The following COLGALT1 variants were observed in gnomAD, a reference collection of about 807,000 sequenced individuals.
COLGALT1 encodes procollagen galactosyltransferase 1.
In COLGALT1, 43 loss-of-function variants were observed where a neutral mutation model predicts 60.8. The observed-to-expected ratio is 0.71, with a 90% CI of 0.55 to 0.91. The LOEUF is 0.91. Ranked by LOEUF, COLGALT1 falls within the 40% of genes least tolerant of loss-of-function variation. The probability of loss-of-function intolerance (pLI) is 0.00; values close to 1 mark genes in which losing one functional copy is unlikely to be tolerated. For synonymous variants in COLGALT1, 369 were observed against 374.2 expected, an observed-to-expected ratio of 0.99 and a Z score of 0.16; for missense variants, 845 against 880.0, an observed-to-expected ratio of 0.96 and a Z score of 0.50.
intron 3 of COLGALT1, among the ~76,000 whole-genome samples, chr19:17,565,462 C>T (rs1032004117): frequency 1.3e-5 from 2 of 152,096 alleles, no homozygotes; most frequent in African/African-American, 4.8e-5. Context: ...CCACTGCACC[C>T]GGCCTGGCTG....
At position 17,577,252 on chromosome 19, in the gene COLGALT1, A is replaced by G; in HGVS notation, c.1007A>G (p.Asp336Gly). 6.2e-7 allele frequency: 1 copy of G among 1,612,936 alleles called. No homozygotes were observed. The highest frequency in any genetic ancestry group is 8.5e-7 in the Non-Finnish European group (1 of 1,179,598). ...ATCTCGGCTCCCACCAAGACACCGGACAAGATGGGCTTCGACGAGGTGAGC... is the reference window on the plus strand; with the variant it reads ...ATCTCGGCTCCCACCAAGACACCGGGCAAGATGGGCTTCGACGAGGTGAGC... Reference protein sequence around the residue: ...RFISAPTKTPDKMGFDEVFMI... With the variant: ...RFISAPTKTPGKMGFDEVFMI... Residue 336 changes from aspartate to glycine, a missense_variant, in exon 7 of 12, where the codon GAC (aspartate) becomes GGC (glycine). Physicochemically the swap from Asp to Gly is moderately conservative, Grantham distance 94 (BLOSUM62 -1). Transcript: ENST00000252599.
At chr19:17,559,696 T>C (rs981659074) in intron 2 of COLGALT1, among the ~76,000 whole-genome samples, 2 of 152,154 alleles carry the variant, frequency 1.3e-5, no homozygotes, top group African/African-American at 4.8e-5. Context: ...GCTCACTGAC[T>C]CAGTCTTGGT....
chr19:17,571,729 T>TA (rs1463011708), intron 5 of COLGALT1: 1 of 151,894 alleles, frequency 6.6e-6, no homozygotes, highest in Non-Finnish European at 1.5e-5. Flanking sequence ...AAAAAAAAGA[T>TA]ACACACTCAT....
intron 6 of COLGALT1, 64 bp from the exon 7 acceptor site, chr19:17,577,131 A>G: frequency 6.6e-7 from 1 of 1,523,656 alleles, no homozygotes; most frequent in Non-Finnish European, 9.1e-7. Flanking sequence ...GGGTGGGGAA[A>G]GCGTGTTGGA....
chr19:17,576,736 G>A (rs1277330051), intron 6 of COLGALT1, among the ~76,000 whole-genome samples: 4 of 150,244 alleles, frequency 2.7e-5, no homozygotes, highest in African/African-American at 9.8e-5. Context: ...TTAGAGGCAA[G>A]GCTGGGGGAG....
intron 1 of COLGALT1, chr19:17,556,598 T>A (rs2144811284): frequency 1.1e-6 from 1 of 941,602 alleles, no homozygotes; most frequent in East Asian, 1.2e-4. Context: ...GACTTCTCAC[T>A]CCCTGCCTCA....
chr19:17,559,268 C>T (rs372693441), intron 1 of COLGALT1, 43 bp from the exon 2 acceptor site: 39 of 1,444,296 alleles, frequency 2.7e-5, no homozygotes, highest in Non-Finnish European at 3.5e-5. Flanking sequence ...CCTGGTCCTG[C>T]CTCAGTCTCC....
intron 3 of COLGALT1, among the ~76,000 whole-genome samples, chr19:17,561,074 AG>A (rs2076246388): frequency 6.6e-6 from 1 of 150,702 alleles, no homozygotes; most frequent in Non-Finnish European, 1.5e-5. Context: ...GCGTGGTGGC[AG>A]GTGCCTGTAA....
intron 6 of COLGALT1, among the ~76,000 whole-genome samples, chr19:17,574,740 C>T (rs994820201): frequency 2.6e-5 from 4 of 152,172 alleles, no homozygotes; most frequent in East Asian, 1.9e-4. Context: ...AGGTCCCACC[C>T]GGCTACAGTT....
intron 3 of COLGALT1, among the ~76,000 whole-genome samples, chr19:17,563,307 C>T (rs773087960): frequency 4.0e-5 from 6 of 148,634 alleles, no homozygotes; most frequent in Non-Finnish European, 7.4e-5. Flanking sequence ...TCTCCTGCTT[C>T]GGCCTCCCAA....
chr19:17,568,249 T>G (rs1230307976), intron 4 of COLGALT1, among the ~76,000 whole-genome samples: 1 of 152,106 alleles, frequency 6.6e-6, no homozygotes. Flanking sequence ...CCATCATCCA[T>G]TCTGATTGGG....
At chr19:17,574,885 G>T (rs548895631) in intron 6 of COLGALT1, among the ~76,000 whole-genome samples, 1 of 151,250 alleles carries the variant, frequency 6.6e-6, no homozygotes, top group Non-Finnish European at 1.5e-5. Context: ...TTGAGACAGA[G>T]TCTCGCTGTT....
intron 10 of COLGALT1, chr19:17,580,264 CCCTT>C (rs2076372074): frequency 2.2e-5 from 5 of 231,952 alleles, no homozygotes; most frequent in Non-Finnish European, 3.4e-5. Flanking sequence ...TTTGTCCTCT[CCCTT>C]CCTCCATCTC....
At chr19:17,564,541 G>A (rs928725597) in intron 3 of COLGALT1, among the ~76,000 whole-genome samples, 6 of 149,512 alleles carry the variant, frequency 4.0e-5, no homozygotes, top group African/African-American at 9.9e-5. Context: ...CTCAGCCTCC[G>A]GAGTACCTGG....
chr19:17,556,962 T>C (rs1177050880), intron 1 of COLGALT1, among the ~76,000 whole-genome samples: 2 of 152,162 alleles, frequency 1.3e-5, no homozygotes, highest in Non-Finnish European at 2.9e-5. Context: ...ATTCTCTTTT[T>C]GGGTTTGTCT....
In COLGALT1 at chr19:17,582,301, C is replaced by CAAA. The variant is rs1191656993; in HGVS notation, c.*858_*860dup. 6.6e-6 allele frequency: 1 copy of CAAA among 152,230 alleles called. No individual in the cohort carries two copies. Among genetic ancestry groups the CAAA allele is most frequent in the Non-Finnish European group, 1.5e-5 (1 of 68,044 alleles). The allele number at this position is 152,230 out of a possible 1,614,324, so 9.4% of individuals were successfully genotyped here. A position where few individuals can be genotyped will look rare whatever the true frequency, so the allele number is the denominator to read the frequency against. ...TACTGTGTGCCTGGCACTCATGTCA[C>CAAA]AAAGATAAGTTCCTGATTCGGTACA... On this transcript the variant is annotated 3_prime_UTR_variant, in exon 12 of 12. Coordinates refer to ENST00000252599, the MANE Select transcript of COLGALT1 (RefSeq NM_024656.4).
intron 1 of COLGALT1, among the ~76,000 whole-genome samples, chr19:17,557,291 T>C (rs1482057955): frequency 6.6e-6 from 1 of 152,152 alleles, no homozygotes; most frequent in Non-Finnish European, 1.5e-5. Context: ...TTATGAGATA[T>C]ACTTTGAGAT....
intron 3 of COLGALT1, among the ~76,000 whole-genome samples, chr19:17,563,204 T>TA (rs1433095913): frequency 2.8e-4 from 41 of 148,068 alleles, no homozygotes; most frequent in East Asian, 2.2e-3. Context: ...TTTTTTTTTT[T>TA]TTTTGAGACA....
intron 1 of COLGALT1, 22 bp from the exon 2 acceptor site, chr19:17,559,289 T>C (rs757276431): frequency 6.5e-7 from 1 of 1,537,588 alleles, no homozygotes. Context: ...CCAAGTACGC[T>C]GCCTGTCCCC....
Sources: allele counts gnomAD v4.1 joint callset (sites outside exome capture counted in the v4.1 genomes callset), GRCh38; gene constraint gnomAD v4.1.1; transcripts MANE v1.5; gene names NCBI Gene and HGNC (gene_info 2026-07-23, HGNC 2026-07-21).